SGCD: variants seen among roughly 807,000 people sequenced by gnomAD.
SGCD encodes the protein delta-sarcoglycan.
In SGCD, 18 loss-of-function variants were observed where a neutral mutation model predicts 36.6. The ratio of observed to expected loss-of-function variants is 0.49; its 90% CI spans 0.34 to 0.73. The LOEUF is 0.73. SGCD is among the 30% of genes least tolerant of loss of function. SGCD has a pLI of 0.01. For missense variants in SGCD, 387 were observed against 346.7 expected, an observed-to-expected ratio of 1.12 and a Z score of -0.92; for synonymous variants, 133 against 130.6, an observed-to-expected ratio of 1.02 and a Z score of -0.12.
At chr5:156,174,365 C>G (rs966211551) in intron 3 of SGCD, among the ~76,000 whole-genome samples, 1 of 152,040 alleles carries the variant, frequency 6.6e-6, no homozygotes, top group African/African-American at 2.4e-5. Context: ...GAGGAACCAG[C>G]CAAGTGTGTA....
intron 7 of SGCD, among the ~76,000 whole-genome samples, chr5:156,742,846 T>C (rs1207910845): frequency 6.6e-6 from 1 of 152,172 alleles, no homozygotes; most frequent in Non-Finnish European, 1.5e-5. Context: ...TTTTGTTCTA[T>C]ACAGGTTATC....
chr5:155,794,695 A>G, the SGCD span, among the ~76,000 whole-genome samples: 7 of 152,136 alleles, frequency 4.6e-5, no homozygotes, highest in African/African-American at 1.7e-4. Context: ...AATATAAGGT[A>G]AGTGTCTAAT....
intron 7 of SGCD, among the ~76,000 whole-genome samples, chr5:156,735,346 C>T (rs1360440673): frequency 6.6e-6 from 1 of 152,142 alleles, no homozygotes; most frequent in Non-Finnish European, 1.5e-5. Flanking sequence ...ACTACTAAGC[C>T]ACCCAAACAG....
At chr5:156,181,974 G>A (rs558805738) in intron 3 of SGCD, among the ~76,000 whole-genome samples, 186 of 152,326 alleles carry the variant, frequency 1.2e-3, no homozygotes, top group African/African-American at 4.4e-3. Flanking sequence ...TATGCGAGAG[G>A]CTTGTTCTTT....
chr5:156,368,754 T>G (rs1307107906), intron 3 of SGCD, among the ~76,000 whole-genome samples: 6 of 152,190 alleles, frequency 3.9e-5, no homozygotes, highest in African/African-American at 1.4e-4. Context: ...GTGCACTCCT[T>G]ATGAGAATCT....
chr5:156,560,856 C>A (rs919048679), intron 4 of SGCD, among the ~76,000 whole-genome samples: 2 of 152,174 alleles, frequency 1.3e-5, no homozygotes, highest in African/African-American at 4.8e-5. Context: ...ATTTGATCTT[C>A]AGTTTTCTCA....
chr5:156,130,581 G>A (rs1015458635), intron 3 of SGCD, among the ~76,000 whole-genome samples: 45 of 152,106 alleles, frequency 3.0e-4, no homozygotes, highest in Non-Finnish European at 5.6e-4. Flanking sequence ...TGTCCAGAAT[G>A]GTATTGCCTA....
Position 156,296,345 on chromosome 5 carries a change from A to G in SGCD, c.-43-33189A>G, listed in dbSNP as rs951622442. On this transcript the variant is annotated intron_variant, in intron 3 of 9. Coordinates refer to the SGCD transcript ENST00000517913. ...AAGGTGACCAATTCTTGATTCTTGT[A>G]TAAGACAGTCCAATTTATTTTCAAA... is the stretch of plus-strand genomic sequence containing the variant. Among the ~76,000 whole-genome samples the G allele has an allele frequency of 1.7e-4, 26 of 152,332 alleles. 1 individual carries two copies. The South Asian group carries it at 3.9e-3, about 23-fold the overall frequency.
At chr5:155,981,390 A>C (rs532976743) in intron 1 of SGCD, among the ~76,000 whole-genome samples, 18 of 152,296 alleles carry the variant, frequency 1.2e-4, no homozygotes, top group African/African-American at 4.3e-4. Flanking sequence ...TGGAATCTAT[A>C]GTATAGCAGT....
In SGCD at chr5:156,734,864, T is replaced by C. The variant is rs143553465; in HGVS notation, c.576-22717T>C. Among the ~76,000 whole-genome samples the C allele has an allele frequency of 9.8e-5, 15 of 152,338 alleles. No homozygotes were observed. In the East Asian group the frequency reaches 2.7e-3, roughly 27 times the overall value. On this transcript the variant is annotated intron_variant, in intron 7 of 8. Coordinates refer to ENST00000337851, the MANE Select transcript of SGCD (RefSeq NM_000337.6). ...TGATCCATATTCTGAATTCTACTTC[T>C]GTCATTTCAAACCCTTGCTGGTGAG...
rs939195376 is a variant in SGCD, at chr5:156,206,858, A to T, written c.-44+82839A>T. On this transcript the variant is annotated intron_variant, in intron 3 of 9. Coordinates refer to the SGCD transcript ENST00000517913. ...ACATGAAAATGCACTGCCTTATTCA[A>T]AGGTGACTCCCTAGGCTCTTGAAAA... Among the ~76,000 whole-genome samples the T allele has an allele frequency of 1.4e-4, 21 of 152,034 alleles. 1 individual carries two copies. The highest frequency in any genetic ancestry group is 5.1e-4 in the African/African-American group (21 of 41,426).
chr5:156,248,092 A>T (rs1461169422), intron 3 of SGCD, among the ~76,000 whole-genome samples: 1 of 152,212 alleles, frequency 6.6e-6, no homozygotes, highest in African/African-American at 2.4e-5. Context: ...AGAGTTACAT[A>T]GAATAAAGTG....
At chr5:156,638,830 G>A (rs1048326090) in intron 6 of SGCD, among the ~76,000 whole-genome samples, 7 of 151,858 alleles carry the variant, frequency 4.6e-5, no homozygotes, top group Non-Finnish European at 7.4e-5. Flanking sequence ...GTTTTTATAC[G>A]TGAATCTTAA....
intron 3 of SGCD, among the ~76,000 whole-genome samples, chr5:156,446,308 C>G (rs1753753797): frequency 6.6e-6 from 1 of 152,070 alleles, no homozygotes; most frequent in East Asian, 1.9e-4. Flanking sequence ...GGAAAAGATG[C>G]CATAAGACAA....
At chr5:156,380,566 T>G (rs1770923584) in intron 3 of SGCD, among the ~76,000 whole-genome samples, 1 of 152,182 alleles carries the variant, frequency 6.6e-6, no homozygotes, top group Non-Finnish European at 1.5e-5. Flanking sequence ...TCACTTGTGT[T>G]TAGAAGTAGT....
At chr5:156,144,060 C>G (rs1337984886) in intron 3 of SGCD, among the ~76,000 whole-genome samples, 1 of 152,000 alleles carries the variant, frequency 6.6e-6, no homozygotes, top group Middle Eastern at 3.2e-3. Context: ...CTACAAAGGA[C>G]ATGAACTCTT....
chr5:156,402,250 T>C (rs993348833), intron 3 of SGCD, among the ~76,000 whole-genome samples: 1 of 152,098 alleles, frequency 6.6e-6, no homozygotes, highest in Non-Finnish European at 1.5e-5. Flanking sequence ...TCTGTTGGAG[T>C]CCCTGTTTTC....
In SGCD at chr5:156,173,777, G is replaced by A. The variant is rs560970779; in HGVS notation, c.-44+49758G>A. Among the ~76,000 whole-genome samples the A allele has an allele frequency of 1.6e-3, 247 of 151,588 alleles. 1 individual carries two copies. The highest frequency in any genetic ancestry group is 2.8e-3 in the Non-Finnish European group (189 of 67,902). ...TAGAATAATGAAGTAATAACTTCTT[G>A]TTATACTTACCTTGACCTTTCATGC... On this transcript the variant is annotated intron_variant, in intron 3 of 9. Transcript: ENST00000517913.
At chr5:156,193,657 G>T (rs1326532829) in intron 3 of SGCD, among the ~76,000 whole-genome samples, 1 of 152,110 alleles carries the variant, frequency 6.6e-6, no homozygotes, top group East Asian at 1.9e-4. Flanking sequence ...TGACCGAAAG[G>T]CCAATACCAG....
Sources: allele counts gnomAD v4.1 joint callset (sites outside exome capture counted in the v4.1 genomes callset), GRCh38; gene constraint gnomAD v4.1.1; transcripts MANE v1.5; gene names NCBI Gene and HGNC (gene_info 2026-07-23, HGNC 2026-07-21).